PEPD: variants seen among roughly 807,000 people sequenced by gnomAD.
The protein encoded by PEPD is xaa-Pro dipeptidase.
In PEPD, 53 loss-of-function variants were observed where a neutral mutation model predicts 60.7. The ratio of observed to expected loss-of-function variants is 0.87; its 90% CI spans 0.70 to 1.10. The LOEUF (loss-of-function observed/expected upper bound fraction) is 1.10. Among genes scored for constraint, PEPD ranks in the 50% least tolerant of loss-of-function variants. The pLI is 0.00. For missense variants in PEPD, 711 were observed against 711.9 expected, an observed-to-expected ratio of 1.00 and a Z score of 0.01; for synonymous variants, 267 against 284.1, an observed-to-expected ratio of 0.94 and a Z score of 0.60.
At chr19:33,440,788 G>A (rs1225415237) in intron 9 of PEPD, among the ~76,000 whole-genome samples, 2 of 152,202 alleles carry the variant, frequency 1.3e-5, no homozygotes, top group African/African-American at 4.8e-5. Flanking sequence ...GAGCTTCACA[G>A]ATGGGATTCC....
At chr19:33,436,952 G>A (rs116067973) in intron 9 of PEPD, among the ~76,000 whole-genome samples, 16 of 152,338 alleles carry the variant, frequency 1.1e-4, no homozygotes, top group African/African-American at 3.6e-4. Context: ...GTCCGATGAG[G>A]CAGAAGCCAC....
At position 33,508,002 on chromosome 19, in the gene PEPD, G is replaced by T. The variant is rs186680039; in HGVS notation, c.329+3026C>A. 3.1e-3 allele frequency among the ~76,000 whole-genome samples: 467 copies of T among 152,168 alleles called. 3 individuals carry two copies. Among genetic ancestry groups the T allele is most frequent in the African/African-American group, 0.011 (440 of 41,520 alleles). On this transcript the variant is annotated intron_variant, in intron 3 of 14. Transcript: ENST00000244137. Reference sequence around the variant, plus strand: ...CTGCCTGATCTGACCTGCCCAGCATGTACACAGCCTTTTCCAACAGGGGAG... The same window carrying T: ...CTGCCTGATCTGACCTGCCCAGCATTTACACAGCCTTTTCCAACAGGGGAG...
intron 9 of PEPD, among the ~76,000 whole-genome samples, chr19:33,460,767 C>T (rs1316794436): frequency 6.6e-6 from 1 of 152,188 alleles, no homozygotes; most frequent in Non-Finnish European, 1.5e-5. Flanking sequence ...TGGGAGGCTG[C>T]TCCTGGCTGA....
At chr19:33,414,059 GCCACCAC>G (rs1203157387) in intron 9 of PEPD, among the ~76,000 whole-genome samples, 2 of 152,206 alleles carry the variant, frequency 1.3e-5, no homozygotes. Flanking sequence ...GTGCCCAGAG[GCCACCAC>G]CCACCCTGCC....
chr19:33,434,128 C>A (rs1969328381), intron 9 of PEPD, among the ~76,000 whole-genome samples: 1 of 152,154 alleles, frequency 6.6e-6, no homozygotes, highest in Non-Finnish European at 1.5e-5. Flanking sequence ...CTGAGCCTGG[C>A]TTCTTTTGCT....
Position 33,467,144 on chromosome 19 carries a change from A to G in PEPD, c.549-3082T>C, listed in dbSNP as rs367722491. ...TGCACTCCAGCCTGGGTGACAGAGC[A>G]AGACTCCGTCTCAAAAAAAAAAAAA... On this transcript the variant is annotated intron_variant, in intron 7 of 14. Coordinates refer to ENST00000244137, the MANE Select transcript of PEPD (RefSeq NM_000285.4). 2.8e-5 allele frequency among the ~76,000 whole-genome samples: 4 copies of G among 142,822 alleles called. No homozygotes were observed. The East Asian group carries it at 5.9e-4, about 21-fold the overall frequency. The allele number at this position is 142,822 out of a possible 152,430, so 93.7% of individuals were successfully genotyped here. A position where few individuals can be genotyped will look rare whatever the true frequency, so the allele number is the denominator to read the frequency against.
chr19:33,520,622 T>C (rs759428750), intron 1 of PEPD, among the ~76,000 whole-genome samples: 1 of 152,218 alleles, frequency 6.6e-6, no homozygotes, highest in Admixed American at 6.5e-5. Context: ...TTGATTTGTA[T>C]GCTCTAAGCT....
intron 9 of PEPD, among the ~76,000 whole-genome samples, chr19:33,454,847 C>A (rs1372652960): frequency 1.3e-5 from 2 of 152,190 alleles, no homozygotes; most frequent in African/African-American, 4.8e-5. Flanking sequence ...TCAAGGTCAA[C>A]ATCATCAGTG....
chr19:33,413,783 G>T, intron 9 of PEPD, 140 bp from the exon 10 acceptor site: 1 of 658,090 alleles, frequency 1.5e-6, no homozygotes, highest in South Asian at 1.6e-5. Flanking sequence ...CTCTCAGTGT[G>T]AGTCTGTGAG....
At chr19:33,405,432 T>C (rs959807522) in intron 11 of PEPD, among the ~76,000 whole-genome samples, 1 of 152,254 alleles carries the variant, frequency 6.6e-6, no homozygotes, top group Admixed American at 6.5e-5. Context: ...CACGCGCTCA[T>C]ATTCGGGGCT....
At position 33,393,442 on chromosome 19, in the gene PEPD, G is replaced by A. The variant is rs527467503; in HGVS notation, c.968-1963C>T. Among the ~76,000 whole-genome samples, 325 of 149,376 alleles carry A rather than the reference G, an allele frequency of 2.2e-3. 2 individuals carry two copies. The highest frequency in any genetic ancestry group is 8.0e-3 in the African/African-American group (313 of 39,020). On this transcript the variant is annotated intron_variant, in intron 12 of 14. Transcript: ENST00000244137. ...GCTTTTCTGAGGGGCACAACATCCC[G>A]GAAAAGGACACCTGGATAACTGCAG...
intron 9 of PEPD, among the ~76,000 whole-genome samples, chr19:33,458,481 TTGTGTGTGGA>T (rs1412077063): frequency 7.0e-6 from 1 of 142,896 alleles, no homozygotes; most frequent in Non-Finnish European, 1.5e-5. Flanking sequence ...TATGTGGGGG[TTGTGTGTGGA>T]GGTGTGTATG....
At chr19:33,401,944 C>T in intron 11 of PEPD, 75 bp from the exon 12 acceptor site, 1 of 1,468,196 alleles carries the variant, frequency 6.8e-7, no homozygotes, top group Non-Finnish European at 9.4e-7. Flanking sequence ...TCCCCACCTG[C>T]CCTGGACTCG....
intron 1 of PEPD, among the ~76,000 whole-genome samples, chr19:33,515,258 C>T (rs1971004277): frequency 6.6e-6 from 1 of 152,140 alleles, no homozygotes; most frequent in Non-Finnish European, 1.5e-5. Flanking sequence ...CCCTGGAGTC[C>T]CAGCCTGCCC....
intron 9 of PEPD, among the ~76,000 whole-genome samples, chr19:33,452,897 G>T (rs1969722728): frequency 6.6e-6 from 1 of 152,166 alleles, no homozygotes; most frequent in South Asian, 2.1e-4. Flanking sequence ...TCAGAAAACA[G>T]AAAAACATGG....
chr19:33,459,436 C>T (rs1377952844), intron 9 of PEPD, among the ~76,000 whole-genome samples: 1 of 152,134 alleles, frequency 6.6e-6, no homozygotes, highest in Admixed American at 6.5e-5. Context: ...GGCCGCCAGC[C>T]CCACGCCAGC....
At chr19:33,426,422 A>G (rs1969150017) in intron 9 of PEPD, among the ~76,000 whole-genome samples, 1 of 152,372 alleles carries the variant, frequency 6.6e-6, no homozygotes, top group East Asian at 1.9e-4. Flanking sequence ...TTCTCTGGAA[A>G]GTGCTGTTTC....
chr19:33,413,617 C>T lies in PEPD; in HGVS notation c.698G>A (p.Arg233Gln), dbSNP rs754870554. The T allele has an allele frequency of 4.3e-5, 68 of 1,588,780 alleles. No homozygotes were observed. The highest frequency in any genetic ancestry group is 1.1e-4 in the South Asian group (10 of 87,090). Residue 233 changes from arginine (R) to glutamine (Q), a missense_variant, in exon 10 of 15, where the codon CGG becomes CAG. Transcript: ENST00000244137. The part of the protein sequence containing the change: ...ESLFEHYCYS[R>Q]GGMRHSSYTC... ...GTAGGAGCTGTGGCGCATGCCGCCC[C>T]GGGAGTAGCAGTAGTGCTCGAAGAG...
intron 9 of PEPD, among the ~76,000 whole-genome samples, chr19:33,449,228 C>A (rs961212116): frequency 1.5e-4 from 23 of 152,242 alleles, no homozygotes; most frequent in African/African-American, 5.5e-4. Context: ...CCCTCCTCAG[C>A]TCCTCTGGGG....
Sources: allele counts gnomAD v4.1 joint callset (sites outside exome capture counted in the v4.1 genomes callset), GRCh38; gene constraint gnomAD v4.1.1; transcripts MANE v1.5; gene names NCBI Gene and HGNC (gene_info 2026-07-23, HGNC 2026-07-21).